Variants in RDX observed in about 807,000 individuals in gnomAD.
RDX encodes the protein radixin, also known as deafness, autosomal recessive 24.
In RDX, 32 loss-of-function variants were observed where a neutral mutation model predicts 83.7. The observed-to-expected ratio is 0.38, with a 90% CI of 0.29 to 0.51. The LOEUF is 0.51. Ranked by LOEUF, RDX falls within the 20% of genes least tolerant of loss-of-function variation. The pLI, the probability that RDX is intolerant of heterozygous loss-of-function variation, is 0.87. For synonymous variants in RDX, 229 were observed against 222.7 expected (o/e 1.03, Z -0.25); for missense variants, 600 against 689.9 (o/e 0.87, Z 1.46).
At chr11:110,201,173 G>A (rs1484322760) in intron 14 of RDX, among the ~76,000 whole-genome samples, 5 of 86,836 alleles carry the variant, frequency 5.8e-5, no homozygotes, top group Admixed American at 1.4e-4. Context: ...CAAAACTCCC[G>A]TCTCAAAAAA....
intron 9 of RDX, among the ~76,000 whole-genome samples, chr11:110,251,685 A>G (rs1859348239): frequency 6.6e-6 from 1 of 152,190 alleles, no homozygotes; most frequent in African/African-American, 2.4e-5. Context: ...CACATGTGGA[A>G]ACAATTTTAG....
chr11:110,215,249 G>T (rs2134264636), intron 14 of RDX, among the ~76,000 whole-genome samples: 2 of 150,314 alleles, frequency 1.3e-5, no homozygotes, highest in Middle Eastern at 6.9e-3. Context: ...TGTAGTCCCA[G>T]CTACTCAGGA....
rs770345319 is a variant in RDX at position 110,264,892 on chromosome 11, CAAAA to C, written c.97-22_97-19del. The C allele has an allele frequency of 1.0e-5, 16 of 1,585,812 alleles. No individual in the cohort carries two copies. Among genetic ancestry groups the C allele is most frequent in the Non-Finnish European group, 1.4e-5 (16 of 1,155,334 alleles). On this transcript the variant is annotated intron_variant, in intron 3 of 13. Transcript: ENST00000645495. ...TTCACCACCTAAAACACAACAACAA[CAAAA>C]AAACACAATTTCAGTCCAACATACA...
chr11:110,264,369 G>T, intron 4 of RDX, 135 bp from the exon 5 acceptor site: 1 of 650,100 alleles, frequency 1.5e-6, no homozygotes, highest in Non-Finnish European at 2.6e-6. Flanking sequence ...GTGTGTAATA[G>T]TCTAAATCTG....
intron 15 of RDX, among the ~76,000 whole-genome samples, chr11:110,190,864 G>A (rs1294610017): frequency 6.6e-6 from 1 of 152,138 alleles, no homozygotes; most frequent in East Asian, 1.9e-4. Flanking sequence ...ATTCTTGGAT[G>A]CACATAACCT....
chr11:110,266,269 C>G (rs1011043056), intron 3 of RDX, among the ~76,000 whole-genome samples: 2 of 151,668 alleles, frequency 1.3e-5, no homozygotes, highest in Non-Finnish European at 2.9e-5. Flanking sequence ...GGAAGCGGAG[C>G]TTGCAGTGAG....
chr11:110,235,413 C>G (rs1006428714), intron 12 of RDX, among the ~76,000 whole-genome samples: 1 of 152,122 alleles, frequency 6.6e-6, no homozygotes, highest in African/African-American at 2.4e-5. Flanking sequence ...CAAAATGTCT[C>G]TTATATCTTC....
chr11:110,296,273 C>T (rs1861455100), intron 1 of RDX, among the ~76,000 whole-genome samples, 194 bp downstream of exon 1: 1 of 151,898 alleles, frequency 6.6e-6, no homozygotes, highest in Non-Finnish European at 1.5e-5. Flanking sequence ...CCTACCAGCC[C>T]CGGGAGGAGC....
intron 10 of RDX, 105 bp from the exon 11 acceptor site, chr11:110,237,757 AAGTT>A (rs112326659): frequency 1.6e-6 from 2 of 1,234,824 alleles, no homozygotes; most frequent in African/African-American, 1.5e-5. Flanking sequence ...CAATTTCTAA[AAGTT>A]AGCACACATG....
chr11:110,267,113 A>C (rs1860081655), intron 3 of RDX, among the ~76,000 whole-genome samples: 1 of 152,088 alleles, frequency 6.6e-6, no homozygotes, highest in Admixed American at 6.5e-5. Context: ...TATGTTGCCC[A>C]GGCTGGTCTT....
chr11:110,270,318 T>C lies in RDX; in HGVS notation c.96+2218A>G, dbSNP rs538665438. ...CAAACTTGTACAGCATGTTACTATATTGAATACTGTAGGCAACTCTAACAC... is the reference window on the plus strand; with the variant it reads ...CAAACTTGTACAGCATGTTACTATACTGAATACTGTAGGCAACTCTAACAC... On this transcript the variant is annotated intron_variant, in intron 3 of 13. Coordinates refer to ENST00000645495, the MANE Select transcript of RDX (RefSeq NM_002906.4). Among the ~76,000 whole-genome samples, 18 of 152,064 alleles carry C rather than the reference T, an allele frequency of 1.2e-4. No homozygotes were observed. In the South Asian group the frequency reaches 3.3e-3, roughly 28 times the overall value.
chr11:110,220,878 T>TAAAAAAAAAAAA (rs386374875), intron 14 of RDX, among the ~76,000 whole-genome samples: 1 of 109,338 alleles, frequency 9.1e-6, no homozygotes, highest in Non-Finnish European at 1.9e-5. Context: ...ACAGCCTCTG[T>TAAAAAAAAAAAA]AAAAAAAAAA....
intron 10 of RDX, among the ~76,000 whole-genome samples, chr11:110,238,715 G>A: frequency 6.6e-6 from 1 of 152,008 alleles, no homozygotes; most frequent in East Asian, 1.9e-4. Flanking sequence ...TTTGAGGTCA[G>A]GAGTTTGAGA....
At chr11:110,286,818 G>GA (rs1470898163) in intron 1 of RDX, among the ~76,000 whole-genome samples, 1 of 152,100 alleles carries the variant, frequency 6.6e-6, no homozygotes. Flanking sequence ...CACAATAATG[G>GA]AATCTACTAA....
chr11:110,286,533 T>C (rs1025433776), intron 1 of RDX, among the ~76,000 whole-genome samples: 13 of 152,268 alleles, frequency 8.5e-5, no homozygotes, highest in Admixed American at 7.2e-4. Context: ...ACAGGTGTTA[T>C]AAAGTCTAGT....
rs576327911 is a variant in RDX, at chr11:110,211,334, C to G, written c.1749-11656G>C. ...TACAGGAGCACCAAGATTCATAAAG[C>G]AAGTCGTGAGTGACCTACAAAGAGA... On this transcript the variant is annotated intron_variant, in intron 14 of 15. Transcript: ENST00000528498. 9.9e-5 allele frequency among the ~76,000 whole-genome samples: 15 copies of G among 152,088 alleles called. 1 individual carries two copies. In the South Asian group the frequency reaches 3.1e-3, roughly 32 times the overall value.
At chr11:110,193,990 G>T (rs1056193782) in intron 15 of RDX, among the ~76,000 whole-genome samples, 5 of 152,180 alleles carry the variant, frequency 3.3e-5, no homozygotes, top group African/African-American at 1.2e-4. Flanking sequence ...ATGTAGAAAA[G>T]GTTTTTGCCC....
chr11:110,180,138 G>A (rs1368873097), intron 15 of RDX, among the ~76,000 whole-genome samples: 1 of 152,098 alleles, frequency 6.6e-6, no homozygotes, highest in Non-Finnish European at 1.5e-5. Context: ...CTGACCTCAA[G>A]TGATCTACCT....
chr11:110,199,594 G>A (rs1336160268), exon 15 of RDX: 3 of 703,042 alleles, frequency 4.3e-6, no homozygotes, highest in Admixed American at 4.0e-5. Context: ...GTGAGGGAGG[G>A]AGCCTTCTTC....
Sources: allele counts gnomAD v4.1 joint callset (sites outside exome capture counted in the v4.1 genomes callset), GRCh38; gene constraint gnomAD v4.1.1; transcripts MANE v1.5; gene names NCBI Gene and HGNC (gene_info 2026-07-23, HGNC 2026-07-21).